The following RNF144A variants were observed in gnomAD, a reference collection of about 807,000 sequenced individuals.
RNF144A encodes the protein E3 ubiquitin-protein ligase RNF144A.
Under a neutral mutation model 38.7 loss-of-function variants are expected in RNF144A, and 11 were observed. The observed-to-expected ratio is 0.28, with a 90% CI of 0.18 to 0.47. RNF144A has a LOEUF of 0.47. RNF144A is among the 20% of genes least tolerant of loss of function. The pLI is 0.99. For missense variants in RNF144A, 316 were observed against 377.2 expected, an observed-to-expected ratio of 0.84 and a Z score of 1.34; for synonymous variants, 149 against 143.9, an observed-to-expected ratio of 1.04 and a Z score of -0.25.
At chr2:7,007,397 T>C (rs1196928336) in intron 3 of RNF144A, among the ~76,000 whole-genome samples, 1 of 152,214 alleles carries the variant, frequency 6.6e-6, no homozygotes, top group African/African-American at 2.4e-5. Flanking sequence ...ATTCTGAGTA[T>C]TTGCACGCCT....
Position 6,957,163 on chromosome 2 carries a change from G to C in RNF144A, c.-12+16016G>C, listed in dbSNP as rs140646403. Among the ~76,000 whole-genome samples, 597 of 152,250 alleles carry C rather than the reference G, an allele frequency of 3.9e-3. 3 individuals are homozygous for C. The highest frequency in any genetic ancestry group is 0.013 in the African/African-American group (554 of 41,554). ...GCCCAGTGTCTGCAGGAAGCTCTTC[G>C]TGAGAGCCCTTCTCGTTGAGAAACC... On this transcript the variant is annotated intron_variant, in intron 2 of 8. Coordinates refer to ENST00000320892, the MANE Select transcript of RNF144A (RefSeq NM_014746.6).
At chr2:7,025,850 A>C (rs1671857364) in intron 7 of RNF144A, among the ~76,000 whole-genome samples, 1 of 152,186 alleles carries the variant, frequency 6.6e-6, no homozygotes, top group Non-Finnish European at 1.5e-5. Flanking sequence ...TAATAGTATT[A>C]AGCCATTCAG....
the RNF144A span, among the ~76,000 whole-genome samples, chr2:7,076,100 T>C: frequency 0.29 from 44,349 of 152,158 alleles, 7,407 homozygotes; most frequent in Non-Finnish European, 0.39. Flanking sequence ...TGTTTCTGTA[T>C]GCACATGGAG....
intron 2 of RNF144A, among the ~76,000 whole-genome samples, chr2:6,988,987 A>T (rs1436804063): frequency 6.6e-6 from 1 of 151,978 alleles, no homozygotes. Context: ...TTGTTTGGAC[A>T]TCCTCTAGCT....
At chr2:7,053,392 C>T (rs1057038903) in intron 6 of RNF144A, among the ~76,000 whole-genome samples, 3 of 152,240 alleles carry the variant, frequency 2.0e-5, no homozygotes, top group African/African-American at 7.2e-5. Flanking sequence ...TTCCATGGGT[C>T]TGAGTTCTCT....
intron 2 of RNF144A, among the ~76,000 whole-genome samples, chr2:6,964,786 C>A: frequency 6.8e-6 from 1 of 146,712 alleles, no homozygotes; most frequent in Non-Finnish European, 1.5e-5. Context: ...CACATGGACA[C>A]AGGAAGGGGA....
chr2:6,924,060 C>A (rs1664711679), intron 1 of RNF144A, among the ~76,000 whole-genome samples: 1 of 152,226 alleles, frequency 6.6e-6, no homozygotes, highest in Non-Finnish European at 1.5e-5. Flanking sequence ...AGTGTAAATT[C>A]TGTATTCCAT....
chr2:7,043,711 TA>T lies in RNF144A; in HGVS notation c.*3957del. ...TAGGAGAGCATGCCGTCTTGATGTT[TA>T]AAAAACCCAGGGTCTCCACCCTTCC... On this transcript the variant is annotated 3_prime_UTR_variant, in exon 9 of 9. Transcript: ENST00000320892. 1.0e-6 allele frequency: 1 copy of T among 985,878 alleles called. No homozygotes were observed. Among genetic ancestry groups the T allele is most frequent in the Non-Finnish European group, 1.2e-6 (1 of 829,936 alleles). 61.1% of individuals were successfully genotyped at this position (985,878 alleles called of 1,614,324 possible).
chr2:6,920,461 C>T (rs893155946), intron 1 of RNF144A, among the ~76,000 whole-genome samples: 1 of 152,188 alleles, frequency 6.6e-6, no homozygotes, highest in African/African-American at 2.4e-5. Flanking sequence ...ACCTCACTTG[C>T]AATAGAAGAG....
chr2:6,981,120 T>G (rs887567046), intron 2 of RNF144A, among the ~76,000 whole-genome samples: 1 of 152,170 alleles, frequency 6.6e-6, no homozygotes, highest in African/African-American at 2.4e-5. Context: ...AACCATTTTT[T>G]CCTTCTACAC....
At chr2:7,059,423 G>A (rs917382537) in intron 6 of RNF144A, among the ~76,000 whole-genome samples, 3 of 152,160 alleles carry the variant, frequency 2.0e-5, no homozygotes, top group Non-Finnish European at 4.4e-5. Flanking sequence ...CTTTCAGTAC[G>A]TCCTGTTCTG....
chr2:7,043,096 G>C lies in RNF144A; in HGVS notation c.*3336G>C, dbSNP rs1673150020. 1 of 737,620 alleles carries C rather than the reference G, an allele frequency of 1.4e-6. No individual in the cohort carries two copies. Among genetic ancestry groups the C allele is most frequent in the Non-Finnish European group, 1.7e-6 (1 of 604,238 alleles). The allele number at this position is 737,620 out of a possible 1,614,324, so 45.7% of individuals were successfully genotyped here. A position where few individuals can be genotyped will look rare whatever the true frequency, so the allele number is the denominator to read the frequency against. ...TTGGCCAGGCTACTCTCAAACTCCT[G>C]ACCTCAGGTGATCTGCCCACCTCGG... On this transcript the variant is annotated 3_prime_UTR_variant, in exon 9 of 9. Transcript: ENST00000320892.
At chr2:6,935,257 C>G (rs1283232642) in intron 1 of RNF144A, among the ~76,000 whole-genome samples, 1 of 152,228 alleles carries the variant, frequency 6.6e-6, no homozygotes, top group Non-Finnish European at 1.5e-5. Flanking sequence ...AAACTAGATC[C>G]CTGACTTTCT....
At position 7,034,371 on chromosome 2, in the gene RNF144A, C is replaced by T. The variant is rs1017221549; in HGVS notation, c.747+4156C>T. On this transcript the variant is annotated intron_variant, in intron 8 of 8. Transcript: ENST00000320892. The stretch of plus-strand genomic sequence containing the variant: ...AGTGTCAAGCTGTAGCAAGCGACAG[C>T]GTGCAGCCGTTTGAGTGGACGCCCA... 7.2e-5 allele frequency among the ~76,000 whole-genome samples: 11 copies of T among 152,190 alleles called. No homozygotes were observed. The East Asian group carries it at 1.2e-3, about 16-fold the overall frequency.
chr2:7,017,698 A>AT (rs1189713228), intron 5 of RNF144A, among the ~76,000 whole-genome samples: 1 of 152,234 alleles, frequency 6.6e-6, no homozygotes, highest in East Asian at 1.9e-4. Context: ...GCCAAAAAGC[A>AT]TATCATTTGC....
rs189790453 is a variant in RNF144A at position 7,030,818 on chromosome 2, A to G, written c.747+603A>G. Reference sequence around the variant, plus strand: ...TAGTGAAATAGTTGTACAACTCACTATCATGTAGAATCAGTGGGAGCCCTG... The same window carrying G: ...TAGTGAAATAGTTGTACAACTCACTGTCATGTAGAATCAGTGGGAGCCCTG... On this transcript the variant is annotated intron_variant, in intron 8 of 8. Transcript: ENST00000320892. Among the ~76,000 whole-genome samples the G allele has an allele frequency of 1.4e-4, 21 of 152,128 alleles. No individual in the cohort carries two copies. In the East Asian group the frequency reaches 3.7e-3, roughly 27 times the overall value.
chr2:7,005,540 G>T (rs1670382318), intron 3 of RNF144A, among the ~76,000 whole-genome samples: 2 of 150,530 alleles, frequency 1.3e-5, no homozygotes, highest in Non-Finnish European at 2.9e-5. Context: ...CAACTGCCAA[G>T]CTGGCAGTTT....
At chr2:6,997,667 T>C (rs1669840865) in intron 3 of RNF144A, among the ~76,000 whole-genome samples, 1 of 152,094 alleles carries the variant, frequency 6.6e-6, no homozygotes, top group African/African-American at 2.4e-5. Flanking sequence ...GATAAATGAG[T>C]GTGTGAGGTT....
At chr2:6,949,639 C>T (rs1041819196) in intron 2 of RNF144A, among the ~76,000 whole-genome samples, 5 of 152,090 alleles carry the variant, frequency 3.3e-5, no homozygotes, top group Admixed American at 1.3e-4. Flanking sequence ...AGGGTGTGGA[C>T]GTCACCCAGA....
Sources: gnomAD v4.1 joint callset for allele counts (sites outside exome capture counted in the v4.1 genomes callset) on GRCh38, gnomAD v4.1.1 for gene constraint, MANE v1.5 for transcripts, NCBI Gene and HGNC (gene_info 2026-07-23, HGNC 2026-07-21) for gene names.